Variants in ATG7 observed in about 807,000 individuals in gnomAD.
ATG7 encodes the protein ubiquitin-like modifier-activating enzyme ATG7.
A neutral mutation model predicts 82.4 loss-of-function variants in ATG7; 70 were observed. That is an observed-to-expected ratio of 0.85 (90% CI 0.70 to 1.04). ATG7 has a LOEUF of 1.04. ATG7 is among the 50% of genes least tolerant of loss of function. The pLI, the probability that ATG7 is intolerant of heterozygous loss-of-function variation, is 0.00. For synonymous variants in ATG7, 287 were observed against 313.0 expected (o/e 0.92, Z 0.88); for missense variants, 792 against 864.3 (o/e 0.92, Z 1.05).
chr3:11,371,334 G>A (rs1292711203), intron 18 of ATG7, among the ~76,000 whole-genome samples: 1 of 150,940 alleles, frequency 6.6e-6, no homozygotes, highest in Non-Finnish European at 1.5e-5. Flanking sequence ...GGAAGGGAAA[G>A]GCCAGTTTAC....
intron 19 of ATG7, among the ~76,000 whole-genome samples, chr3:11,382,551 T>C (rs1311495924): frequency 2.6e-5 from 4 of 152,246 alleles, no homozygotes; most frequent in Non-Finnish European, 5.9e-5. Flanking sequence ...TGCAGAACTT[T>C]CTAAACAGAT....
chr3:11,466,805 A>G (rs899538537), intron 20 of ATG7, among the ~76,000 whole-genome samples: 3 of 152,192 alleles, frequency 2.0e-5, no homozygotes, highest in Non-Finnish European at 2.9e-5. Context: ...GATCTCAGAA[A>G]TTTTTATGTC....
chr3:11,572,064 C>T, the ATG7 span, among the ~76,000 whole-genome samples: 1 of 152,082 alleles, frequency 6.6e-6, no homozygotes, highest in Non-Finnish European at 1.5e-5. Context: ...CTGAGATCTG[C>T]ACCACTGTAT....
intron 7 of ATG7, among the ~76,000 whole-genome samples, chr3:11,310,185 G>T (rs1049368931): frequency 2.0e-4 from 31 of 151,924 alleles, no homozygotes. Flanking sequence ...AAATACTGTG[G>T]TATATTGAAA....
chr3:11,379,988 C>T lies in ATG7; in HGVS notation c.1892C>T (p.Ser631Leu). ...TGTTTTTAGATCCGGGGATTTCTTT[C>T]ACGGTTTGATAATGTCCTTCCCGTC... is the stretch of plus-strand genomic sequence containing the variant. Reference protein sequence around the residue: ...LVPHQIRGFLSRFDNVLPVSL... With the variant: ...LVPHQIRGFLLRFDNVLPVSL... The change falls in exon 19 of 21, where the codon TCA (serine) becomes TTA (leucine). Residue 631 changes from serine (S) to leucine (L), a missense_variant. By Grantham distance (145) the Ser-to-Leu change is moderately radical. Transcript: ENST00000693202. The T allele has an allele frequency of 6.2e-7, 1 of 1,614,088 alleles. No individual in the cohort carries two copies. Among genetic ancestry groups the T allele is most frequent in the Non-Finnish European group, 8.5e-7 (1 of 1,179,974 alleles).
intron 3 of ATG7, among the ~76,000 whole-genome samples, chr3:11,282,760 C>G (rs561583704): frequency 2.6e-5 from 4 of 152,186 alleles, no homozygotes. Flanking sequence ...TCTTTAACAG[C>G]CTTGCAGATT....
chr3:11,391,962 G>GT (rs67754626), intron 19 of ATG7, among the ~76,000 whole-genome samples: 1 of 143,078 alleles, frequency 7.0e-6, no homozygotes, highest in African/African-American at 2.6e-5. Flanking sequence ...ACTTATTGGG[G>GT]GGGGGGTAAT....
intron 18 of ATG7, among the ~76,000 whole-genome samples, chr3:11,371,906 G>A (rs531526842): frequency 2.6e-5 from 4 of 151,332 alleles, no homozygotes; most frequent in Non-Finnish European, 4.4e-5. Context: ...AATTAGACAC[G>A]CACAGGTGTG....
At chr3:11,476,788 C>CT (rs1287212302) in intron 20 of ATG7, among the ~76,000 whole-genome samples, 1 of 151,978 alleles carries the variant, frequency 6.6e-6, no homozygotes, top group Non-Finnish European at 1.5e-5. Context: ...TTTACTGGAG[C>CT]TTTTTTCTGA....
chr3:11,477,131 C>T, intron 20 of ATG7: 1 of 1,289,778 alleles, frequency 7.8e-7, no homozygotes, highest in Non-Finnish European at 1.0e-6. Flanking sequence ...TTGTACCTGC[C>T]AGCATCTTTG....
intron 7 of ATG7, among the ~76,000 whole-genome samples, chr3:11,312,392 C>A (rs917547659): frequency 3.3e-5 from 5 of 152,158 alleles, no homozygotes; most frequent in Non-Finnish European, 7.4e-5. Flanking sequence ...GAGCCATTAG[C>A]GTGAGTGGGA....
chr3:11,313,363 G>C lies in ATG7; in HGVS notation c.471G>C (p.Glu157Asp). ...GCTATCCTGCCCTCTGTCTTCCAGA[G>C]AGTTTACCTCTCATTCAGGGGCCAG... is the stretch of plus-strand genomic sequence containing the variant. ...WFCYPALCLP[E>D]SLPLIQGPVG... The change falls in exon 8 of 21, where the codon GAG becomes GAC. Residue 157 changes from glutamate to aspartate, a missense_variant. Physicochemically the swap from Glu to Asp is conservative, Grantham distance 45 (BLOSUM62 2). Transcript: ENST00000693202. 1 of 1,613,092 alleles carries C rather than the reference G, an allele frequency of 6.2e-7. No homozygotes were observed. Among genetic ancestry groups the C allele is most frequent in the Non-Finnish European group, 8.5e-7 (1 of 1,179,454 alleles).
rs2077773490 is a variant in ATG7 at position 11,380,156 on chromosome 3, TG to T, written c.1956+105del. ...CCCTTGAAACCAACTAAGGGCTTTT[TG>T]TGGGGGAAGGGTGGGGTCTAAACCC... On this transcript the variant is annotated intron_variant, in intron 19 of 20. Transcript: ENST00000693202. The T allele has an allele frequency of 2.8e-6, 3 of 1,054,828 alleles. No individual in the cohort carries two copies. The Admixed American group carries it at 5.4e-5, about 19-fold the overall frequency. 65.3% of individuals were successfully genotyped at this position (1,054,828 alleles called of 1,614,324 possible).
chr3:11,488,583 C>G (rs950413837), intron 20 of ATG7: 2 of 680,660 alleles, frequency 2.9e-6, no homozygotes, highest in Non-Finnish European at 3.9e-6. Flanking sequence ...CATGGCCGGA[C>G]GGGCTCCCTA....
intron 20 of ATG7, among the ~76,000 whole-genome samples, chr3:11,478,096 G>A (rs1461907448): frequency 6.6e-6 from 1 of 152,156 alleles, no homozygotes; most frequent in Non-Finnish European, 1.5e-5. Flanking sequence ...ATACCTGTGG[G>A]TAGGGCAAGG....
At chr3:11,285,973 C>T (rs1352210617) in intron 3 of ATG7, among the ~76,000 whole-genome samples, 10 of 152,152 alleles carry the variant, frequency 6.6e-5, no homozygotes, top group Admixed American at 6.6e-4. Context: ...TCCTTGTCTC[C>T]CTTTGACTTT....
At chr3:11,471,745 C>CTTTTTTTTTTTTTTTTTTTTTTT (rs200590021) in intron 20 of ATG7, among the ~76,000 whole-genome samples, 1 of 105,694 alleles carries the variant, frequency 9.5e-6, no homozygotes, top group Non-Finnish European at 1.8e-5. Context: ...TTTTAGATTT[C>CTTTTTTTTTTTTTTTTTTTTTTT]TTTTTTTTTT....
intron 14 of ATG7, among the ~76,000 whole-genome samples, chr3:11,355,890 T>C (rs1430004244): frequency 6.6e-6 from 1 of 152,190 alleles, no homozygotes; most frequent in Non-Finnish European, 1.5e-5. Flanking sequence ...AAAATACTTA[T>C]ACAAAAGTGT....
chr3:11,329,755 C>T (rs1329872520), intron 9 of ATG7, among the ~76,000 whole-genome samples: 2 of 152,170 alleles, frequency 1.3e-5, no homozygotes, highest in East Asian at 3.8e-4. Flanking sequence ...AATGTTGTCA[C>T]ATTATATCAC....
Sources: gnomAD v4.1 joint callset for allele counts (sites outside exome capture counted in the v4.1 genomes callset) on GRCh38, gnomAD v4.1.1 for gene constraint, MANE v1.5 for transcripts, NCBI Gene and HGNC (gene_info 2026-07-23, HGNC 2026-07-21) for gene names.